The following SLC38A10 variants were observed in gnomAD, a reference collection of about 807,000 sequenced individuals.
SLC38A10 encodes the protein Sodium-coupled neutral amino acid transporter 10.
SLC38A10 carries 53 observed loss-of-function variants against 81.0 expected under a neutral mutation model. The observed-to-expected ratio is 0.65, with a 90% CI of 0.53 to 0.82. The LOEUF (loss-of-function observed/expected upper bound fraction) is 0.82. SLC38A10 is among the 40% of genes least tolerant of loss of function. SLC38A10 has a pLI of 0.00. For synonymous variants in SLC38A10, 665 were observed against 655.3 expected (o/e 1.01, Z -0.23); for missense variants, 1,471 against 1,545.0 (o/e 0.95, Z 0.80).
intron 11 of SLC38A10, among the ~76,000 whole-genome samples, chr17:81,256,921 A>G (rs1219667675): frequency 6.6e-6 from 1 of 152,186 alleles, no homozygotes; most frequent in Non-Finnish European, 1.5e-5. Flanking sequence ...AGCCTCCGGC[A>G]GGCGGAACCT....
Position 81,277,010 on chromosome 17 carries a change from A to G in SLC38A10, c.729+21T>C. 1.9e-6 allele frequency: 3 copies of G among 1,608,226 alleles called. No individual in the cohort carries two copies. Among genetic ancestry groups the G allele is most frequent in the Non-Finnish European group, 2.6e-6 (3 of 1,174,844 alleles). On this transcript the variant is annotated intron_variant, in intron 7 of 15. Transcript: ENST00000374759. This position sits in a 1 kb window ranked among gnomAD's most constrained non-coding sequence, Gnocchi z 4.5. Reference sequence around the variant, plus strand: ...ATGCTGGCATGACACAGGGGCGGAGAGGGCGTGGCAAGGCTCTTACCATGA... The same window carrying G: ...ATGCTGGCATGACACAGGGGCGGAGGGGGCGTGGCAAGGCTCTTACCATGA...
Position 81,294,910 on chromosome 17 carries a change from G to A in SLC38A10, c.12C>T (p.Ala4=), listed in dbSNP as rs746656822. 31 of 1,592,072 alleles carry A rather than the reference G, an allele frequency of 1.9e-5. No individual in the cohort carries two copies. In the South Asian group the frequency reaches 3.4e-4, roughly 17 times the overall value. Residue 4 remains alanine (A), a synonymous_variant, in exon 1 of 16, where the codon GCC becomes GCT. Transcript: ENST00000374759. ...TGATCAGCCCCCAGTTGGAGGCGGC[G>A]GCCGCGGTCATAGTGAGAGGTCTAG... MTA[A]AASNWGLITN...
At chr17:81,251,459 C>T (rs545715891) in intron 14 of SLC38A10, 34 bp downstream of exon 14, 1 of 1,608,162 alleles carries the variant, frequency 6.2e-7, no homozygotes, top group Non-Finnish European at 8.5e-7. Flanking sequence ...GCTCCCTGGG[C>T]CTGAGGCAGG....
Position 81,253,028 on chromosome 17 carries a change from CG to C in SLC38A10, c.1456+44del. ...GGTGTCCAGCCTGCAAAGGAGGACC[CG>C]GGGCCGCCCTTCCCCATCCGCACCC... On this transcript the variant is annotated intron_variant, in intron 12 of 15. Transcript: ENST00000374759. This position sits in a 1 kb window ranked among gnomAD's most constrained non-coding sequence, Gnocchi z 4.1. 2.5e-6 allele frequency: 4 copies of C among 1,596,990 alleles called. No individual in the cohort carries two copies. Among genetic ancestry groups the C allele is most frequent in the Non-Finnish European group, 2.6e-6 (3 of 1,172,848 alleles).
At chr17:81,254,790 T>C (rs886974732) in intron 11 of SLC38A10, among the ~76,000 whole-genome samples, 6 of 152,070 alleles carry the variant, frequency 3.9e-5, no homozygotes, top group African/African-American at 1.4e-4. Context: ...CCTGAGCAGG[T>C]GAAAACATAC....
chr17:81,292,158 C>T (rs1185893414), intron 1 of SLC38A10, among the ~76,000 whole-genome samples: 1 of 151,960 alleles, frequency 6.6e-6, no homozygotes, highest in Non-Finnish European at 1.5e-5. Flanking sequence ...GACAGAGTCT[C>T]ACTCTGTTGC....
At position 81,280,665 on chromosome 17, in the gene SLC38A10, G is replaced by T. The variant is rs2063202654; in HGVS notation, c.570C>A (p.Arg190=). The part of the protein sequence containing the change: ...GQWLRRVSYV[R]WEGVFRCIPI... ...GGATGCAGCGGAAGACGCCCTCCCA[G>T]CGGACGTAGCTGACCCGCCGCAGCC... Residue 190 remains arginine (R), a synonymous_variant, in exon 6 of 16, where the codon CGC becomes CGA. Coordinates refer to ENST00000374759, the MANE Select transcript of SLC38A10 (RefSeq NM_001037984.3). 6.2e-7 allele frequency: 1 copy of T among 1,611,262 alleles called. No individual in the cohort carries two copies. The highest frequency in any genetic ancestry group is 8.5e-7 in the Non-Finnish European group (1 of 1,179,404).
Position 81,286,979 on chromosome 17 carries a change from G to A in SLC38A10, c.218-2084C>T, listed in dbSNP as rs2063272823. ...GAAGCCGCGACAGCTGAAGGAGGCTGAATGACTGATGTATCTGTGTGTCTT... is the reference window on the plus strand; with the variant it reads ...GAAGCCGCGACAGCTGAAGGAGGCTAAATGACTGATGTATCTGTGTGTCTT... On this transcript the variant is annotated intron_variant, in intron 2 of 15. Coordinates refer to ENST00000374759, the MANE Select transcript of SLC38A10 (RefSeq NM_001037984.3). The surrounding 1 kb of genome is among the most constrained non-coding windows in gnomAD (Gnocchi z 6.0). Among the ~76,000 whole-genome samples, 1 of 152,200 alleles carries A rather than the reference G, an allele frequency of 6.6e-6. No homozygotes were observed. The highest frequency in any genetic ancestry group is 6.5e-5 in the Admixed American group (1 of 15,280).
rs561366273 is a variant in SLC38A10, at chr17:81,266,476, G to A, written c.1131+4442C>T. Among the ~76,000 whole-genome samples the A allele has an allele frequency of 9.9e-5, 15 of 152,134 alleles. No individual in the cohort carries two copies. The South Asian group carries it at 1.9e-3, about 19-fold the overall frequency. On this transcript the variant is annotated intron_variant, in intron 10 of 15. Coordinates refer to ENST00000374759, the MANE Select transcript of SLC38A10 (RefSeq NM_001037984.3). ...CTACTAAAAATACAAAAAATTAGCC[G>A]GGCATGGTTGCAGGCACCTGTAGTC...
At chr17:81,257,658 C>T (rs2062985187) in intron 11 of SLC38A10, among the ~76,000 whole-genome samples, 1 of 152,252 alleles carries the variant, frequency 6.6e-6, no homozygotes, top group East Asian at 1.9e-4. Context: ...AGAACTGTGG[C>T]CATCTCTGCC....
chr17:81,282,123 T>C, intron 5 of SLC38A10, 66 bp downstream of exon 5: 1 of 1,601,060 alleles, frequency 6.2e-7, no homozygotes, highest in Non-Finnish European at 8.5e-7. Flanking sequence ...GAGCCTGCTG[T>C]GGCCACAGGA....
chr17:81,261,145 C>T (rs988774956), intron 10 of SLC38A10, among the ~76,000 whole-genome samples: 1 of 152,260 alleles, frequency 6.6e-6, no homozygotes, highest in Non-Finnish European at 1.5e-5. Context: ...TCCCCCGCTC[C>T]CCGGCCAATC....
At chr17:81,278,482 C>T (rs561729370) in intron 6 of SLC38A10, among the ~76,000 whole-genome samples, 2 of 152,174 alleles carry the variant, frequency 1.3e-5, no homozygotes, top group East Asian at 1.9e-4. Flanking sequence ...CCCATCAGGC[C>T]GCCCTCAGCA....
In SLC38A10 at chr17:81,260,301, C is replaced by T; in HGVS notation, c.1225G>A (p.Ala409Thr). 1.2e-6 allele frequency: 2 copies of T among 1,607,876 alleles called. No individual in the cohort carries two copies. Among genetic ancestry groups the T allele is most frequent in the South Asian group, 2.2e-5 (2 of 89,990 alleles). ...GCCTCTCCAAGCCGGCCGCCAGGGGCTTCCTCTGCCAAGTCCTCGGGGACC... is the reference window on the plus strand; with the variant it reads ...GCCTCTCCAAGCCGGCCGCCAGGGGTTTCCTCTGCCAAGTCCTCGGGGACC... Reference protein sequence around the residue: ...EEVPEDLAEEAPGGRLGEAEG... With the variant: ...EEVPEDLAEETPGGRLGEAEG... Residue 409 changes from alanine (A) to threonine (T), a missense_variant, in exon 11 of 16, where the codon GCC becomes ACC. Around this residue, in one of 2 missense-constraint regions of SLC38A10, gnomAD observed 720 missense variants for 827.7 expected, o/e 0.87. Coordinates refer to ENST00000374759, the MANE Select transcript of SLC38A10 (RefSeq NM_001037984.3).
chr17:81,266,342 G>A (rs555151558), intron 10 of SLC38A10, among the ~76,000 whole-genome samples: 9 of 152,298 alleles, frequency 5.9e-5, no homozygotes, highest in Non-Finnish European at 8.8e-5. Context: ...GGGGAGGGCC[G>A]GACGCGGTGG....
In SLC38A10 at chr17:81,289,767, T is replaced by C. The variant is rs533295108; in HGVS notation, c.141A>G (p.Ser47=). 9.3e-6 allele frequency: 15 copies of C among 1,609,704 alleles called. No homozygotes were observed. In the African/African-American group the frequency reaches 1.1e-4, roughly 11 times the overall value. ...VLGALLLVFC[S]WMTHQSCMFL... ...ACATGCACGACTGGTGCGTCATCCA[T>C]GAGCAGAAGACCAAGAGCAGCGCCC... Residue 47 remains serine (S), a synonymous_variant, in exon 2 of 16, where the codon TCA becomes TCG. Coordinates refer to ENST00000374759, the MANE Select transcript of SLC38A10 (RefSeq NM_001037984.3). This position sits in a 1 kb window ranked among gnomAD's most constrained non-coding sequence, Gnocchi z 5.9.
rs893496729 is a variant in SLC38A10 at position 81,283,451 on chromosome 17, G to A, written c.315C>T (p.Gly105=). 6 of 1,612,420 alleles carry A rather than the reference G, an allele frequency of 3.7e-6. No individual in the cohort carries two copies. The highest frequency in any genetic ancestry group is 2.2e-5 in the East Asian group (1 of 44,822). The stretch of plus-strand genomic sequence containing the variant: ...GGGCAAAGAAGTTGGACCCCAAGTC[G>A]CCGATCACGACGTAGAAGGCGATGC... The part of the protein sequence containing the change: ...GTCIAFYVVI[G]DLGSNFFARL... The change falls in exon 4 of 16, where the codon GGC becomes GGT. Residue 105 remains glycine, a synonymous_variant. Transcript: ENST00000374759. The surrounding 1 kb of genome is among the most constrained non-coding windows in gnomAD (Gnocchi z 4.7).
chr17:81,273,061 C>G (rs1343953239), intron 8 of SLC38A10, among the ~76,000 whole-genome samples: 1 of 152,170 alleles, frequency 6.6e-6, no homozygotes, highest in Admixed American at 6.5e-5. Context: ...AGAACCCCCC[C>G]AAACACACGC....
Position 81,245,616 on chromosome 17 carries a change from A to C in SLC38A10, c.3300T>G (p.Ala1100=). ...DAQLRQAAGG[A]LQVVHSRQLR... ...GCTGCCGGCTGTGGACCACCTGCAG[A>C]GCTCCCCCCGCAGCCTGGCGGAGCT... The change falls in exon 16 of 16, where the codon GCT becomes GCG. Residue 1100 remains alanine, a synonymous_variant. Transcript: ENST00000374759. The C allele has an allele frequency of 6.2e-7, 1 of 1,612,110 alleles. No individual in the cohort carries two copies. Among genetic ancestry groups the C allele is most frequent in the Non-Finnish European group, 8.5e-7 (1 of 1,179,738 alleles).
Sources: gnomAD v4.1 joint callset for allele counts (sites outside exome capture counted in the v4.1 genomes callset) on GRCh38, gnomAD v4.1.1 for gene constraint, gnomAD v4.1.1 regional missense constraint, Gnocchi (gnomAD v3.1) non-coding constraint, MANE v1.5 for transcripts, NCBI Gene and HGNC (gene_info 2026-07-23, HGNC 2026-07-21) for gene names.